PHKB: variants seen among roughly 807,000 people sequenced by gnomAD.
The protein encoded by PHKB is phosphorylase kinase regulatory subunit beta.
Under a neutral mutation model 152.1 loss-of-function variants are expected in PHKB, and 122 were observed. The ratio of observed to expected loss-of-function variants is 0.80; its 90% CI spans 0.69 to 0.93. The LOEUF is 0.93. Among genes scored for constraint, PHKB ranks in the 40% least tolerant of loss-of-function variants. The pLI is 0.00. For missense variants in PHKB, 1,304 were observed against 1,328.4 expected, an observed-to-expected ratio of 0.98 and a Z score of 0.29; for synonymous variants, 436 against 464.9, an observed-to-expected ratio of 0.94 and a Z score of 0.80.
At chr16:47,546,962 A>C (rs1176601161) in intron 6 of PHKB, among the ~76,000 whole-genome samples, 2 of 152,114 alleles carry the variant, frequency 1.3e-5, no homozygotes, top group Non-Finnish European at 2.9e-5. Context: ...CCAGTGGAAA[A>C]GCACAGTATT....
intron 7 of PHKB, among the ~76,000 whole-genome samples, chr16:47,568,974 G>T (rs2151686287): frequency 6.6e-6 from 1 of 152,278 alleles, no homozygotes; most frequent in East Asian, 1.9e-4. Flanking sequence ...TCCATGTGCT[G>T]ATGAGAATGT....
At chr16:47,685,546 CAAATGGATA>C (rs1365730999) in intron 26 of PHKB, among the ~76,000 whole-genome samples, 1 of 152,154 alleles carries the variant, frequency 6.6e-6, no homozygotes, top group Non-Finnish European at 1.5e-5. Context: ...AGTAGTCCTA[CAAATGGATA>C]AAATGTCTTT....
chr16:47,607,148 A>T (rs1477772283), intron 13 of PHKB, among the ~76,000 whole-genome samples: 3 of 152,152 alleles, frequency 2.0e-5, no homozygotes, highest in African/African-American at 7.2e-5. Context: ...TATTATTTTT[A>T]AAATAGCTTT....
rs1971574414 is a variant in PHKB, at chr16:47,566,732, C to T, written c.711-13563C>T. ...TATACACATCTTCATCATTACTGTT[C>T]CAAGTTGTTGAAATATCTCCTTCCA... On this transcript the variant is annotated intron_variant, in intron 7 of 30. Coordinates refer to ENST00000323584, the MANE Select transcript of PHKB (RefSeq NM_000293.3). 6 of 765,306 alleles carry T rather than the reference C, an allele frequency of 7.8e-6. No individual in the cohort carries two copies. The East Asian group carries it at 1.5e-4, about 19-fold the overall frequency. The allele number at this position is 765,306 out of a possible 1,614,324, so 47.4% of individuals were successfully genotyped here.
chr16:47,679,021 A>G lies in PHKB; in HGVS notation c.2630+9604A>G, dbSNP rs1973793484. Among the ~76,000 whole-genome samples the G allele has an allele frequency of 5.9e-5, 9 of 152,210 alleles. 1 individual carries two copies. In the South Asian group the frequency reaches 1.5e-3, roughly 25 times the overall value. ...CAGTTTTCCCAGCACCATTTATTAA[A>G]TAGGGAATCCTTTCCCCATTGCTTG... On this transcript the variant is annotated intron_variant, in intron 26 of 30. Coordinates refer to ENST00000323584, the MANE Select transcript of PHKB (RefSeq NM_000293.3).
At chr16:47,669,090 C>T (rs1973589736) in intron 25 of PHKB, 125 bp from the exon 26 acceptor site, 7 of 696,326 alleles carry the variant, frequency 1.0e-5, no homozygotes. Context: ...AACAGTTATT[C>T]TACCTAATTC....
At chr16:47,503,130 C>A (rs1970351909) in intron 4 of PHKB, 40 bp downstream of exon 4, 4 of 1,239,470 alleles carry the variant, frequency 3.2e-6, no homozygotes, top group East Asian at 2.3e-5. Context: ...TCCCATCATT[C>A]TGAAGGATTA....
intron 6 of PHKB, among the ~76,000 whole-genome samples, chr16:47,546,889 A>G (rs1206581430): frequency 6.6e-6 from 1 of 152,110 alleles, no homozygotes; most frequent in Non-Finnish European, 1.5e-5. Flanking sequence ...GCAAGGCTCC[A>G]TGGCCATGGG....
intron 6 of PHKB, among the ~76,000 whole-genome samples, chr16:47,538,095 A>G (rs1970985619): frequency 6.6e-6 from 1 of 151,902 alleles, no homozygotes; most frequent in Non-Finnish European, 1.5e-5. Context: ...GTGTCTTGCT[A>G]TGTTGCCTAG....
In PHKB at chr16:47,601,968, T is replaced by C. The variant is rs959076382; in HGVS notation, c.1363+5437T>C. On this transcript the variant is annotated intron_variant, in intron 13 of 30. Coordinates refer to ENST00000323584, the MANE Select transcript of PHKB (RefSeq NM_000293.3). ...GATATATTCTCTTGGTAAACTTAAA[T>C]ATTAAGCAATTTTAGTTAACTACAA... Among the ~76,000 whole-genome samples the C allele has an allele frequency of 3.3e-5, 5 of 152,222 alleles. No individual in the cohort carries two copies. The East Asian group carries it at 9.6e-4, about 29-fold the overall frequency.
Position 47,587,555 on chromosome 16 carries a change from A to G in PHKB, c.775-113A>G, listed in dbSNP as rs1971955338. The G allele has an allele frequency of 2.2e-5, 16 of 715,722 alleles. No individual in the cohort carries two copies. In the South Asian group the frequency reaches 2.6e-4, roughly 12 times the overall value. 44.3% of individuals were successfully genotyped at this position (715,722 alleles called of 1,614,324 possible). On this transcript the variant is annotated intron_variant, in intron 8 of 30. Coordinates refer to ENST00000323584, the MANE Select transcript of PHKB (RefSeq NM_000293.3). The stretch of plus-strand genomic sequence containing the variant: ...AAATTTAAATCTTCTGGAACTCCAC[A>G]CTCAAGATGCAGACAATGTCAGTAT...
chr16:47,649,681 C>T (rs926152114), intron 18 of PHKB, among the ~76,000 whole-genome samples: 3 of 150,908 alleles, frequency 2.0e-5, no homozygotes, highest in Non-Finnish European at 4.4e-5. Flanking sequence ...AGACTGCATT[C>T]GTTAAAATCT....
At chr16:47,543,301 G>C (rs193281628) in intron 6 of PHKB, among the ~76,000 whole-genome samples, 4 of 152,048 alleles carry the variant, frequency 2.6e-5, no homozygotes, top group Admixed American at 1.3e-4. Flanking sequence ...TGATGGATAC[G>C]TTTAATGATT....
chr16:47,513,865 C>T (rs1275121457), intron 5 of PHKB, among the ~76,000 whole-genome samples: 2 of 152,154 alleles, frequency 1.3e-5, no homozygotes, highest in Non-Finnish European at 2.9e-5. Flanking sequence ...ATTCACGTAA[C>T]ATGTAATTCA....
intron 6 of PHKB, among the ~76,000 whole-genome samples, chr16:47,543,891 T>G (rs1407108863): frequency 6.6e-6 from 1 of 152,218 alleles, no homozygotes; most frequent in Admixed American, 6.5e-5. Context: ...ATCTATTTTT[T>G]ACATCTATGT....
intron 4 of PHKB, among the ~76,000 whole-genome samples, chr16:47,509,518 C>G (rs1322631008): frequency 3.9e-5 from 6 of 152,140 alleles, no homozygotes; most frequent in Admixed American, 3.9e-4. Context: ...TATGAGCATA[C>G]AAATGTTCCA....
In PHKB at chr16:47,661,700, C is replaced by A; in HGVS notation, c.2197-19C>A. ...GTACCCATTTCATTCCAGTTCCTCA[C>A]CGTGATTTATATTTTCAGGATTGCA... On this transcript the variant is annotated intron_variant, in intron 22 of 30. Transcript: ENST00000323584. 4 of 1,569,888 alleles carry A rather than the reference C, an allele frequency of 2.5e-6. No individual in the cohort carries two copies. The highest frequency in any genetic ancestry group is 1.1e-5 in the South Asian group (1 of 90,188).
At chr16:47,481,428 C>G (rs756585800) in intron 1 of PHKB, among the ~76,000 whole-genome samples, 6 of 152,176 alleles carry the variant, frequency 3.9e-5, no homozygotes, top group Admixed American at 3.9e-4. Context: ...CATTGCAGCC[C>G]AAGGCTGCTT....
rs1432566137 is a variant in PHKB at position 47,580,401 on chromosome 16, A to G, written c.774+43A>G. On this transcript the variant is annotated intron_variant, in intron 8 of 30. Transcript: ENST00000323584. ...CAGAATCTTTGATTATTTGAATTGC[A>G]CATTTAATTAATTTGGCTATTCATT... 2.9e-6 allele frequency: 4 copies of G among 1,360,370 alleles called. No individual in the cohort carries two copies. The Admixed American group carries it at 5.0e-5, about 17-fold the overall frequency. 84.3% of individuals were successfully genotyped at this position (1,360,370 alleles called of 1,614,324 possible).
Sources: gnomAD v4.1 joint callset for allele counts (sites outside exome capture counted in the v4.1 genomes callset) on GRCh38, gnomAD v4.1.1 for gene constraint, MANE v1.5 for transcripts, NCBI Gene and HGNC (gene_info 2026-07-23, HGNC 2026-07-21) for gene names.